Variants in RGSL1 observed in about 807,000 individuals in gnomAD.
The protein encoded by RGSL1 is regulator of G protein signaling protein-like.
RGSL1 carries 97 observed loss-of-function variants against 124.7 expected under a neutral mutation model. The ratio of observed to expected loss-of-function variants is 0.78; its 90% CI spans 0.66 to 0.92. The LOEUF is 0.92. Among genes scored for constraint, RGSL1 ranks in the 40% least tolerant of loss-of-function variants. The probability of loss-of-function intolerance (pLI) is 0.00; values close to 1 mark genes in which losing one functional copy is unlikely to be tolerated. For synonymous variants in RGSL1, 424 were observed against 438.1 expected (o/e 0.97, Z 0.40); for missense variants, 1,233 against 1,288.4 (o/e 0.96, Z 0.66).
intron 9 of RGSL1, among the ~76,000 whole-genome samples, chr1:182,509,467 C>T (rs1476840752): frequency 3.0e-4 from 17 of 56,220 alleles, no homozygotes; most frequent in African/African-American, 1.2e-3. Flanking sequence ...CCCTCCCGGA[C>T]GGGGCGGCTG....
intron 8 of RGSL1, among the ~76,000 whole-genome samples, chr1:182,490,474 C>G (rs990594115): frequency 2.0e-5 from 3 of 152,158 alleles, no homozygotes; most frequent in African/African-American, 4.8e-5. Context: ...CCAAGATGCC[C>G]TGGATGCCTG....
chr1:182,559,494 C>T (rs1661050960), intron 21 of RGSL1, among the ~76,000 whole-genome samples: 1 of 152,166 alleles, frequency 6.6e-6, no homozygotes, highest in Non-Finnish European at 1.5e-5. Flanking sequence ...CCCTTGTCCC[C>T]ATCACTGGCC....
chr1:182,452,859 T>G (rs1651964001), intron 1 of RGSL1, among the ~76,000 whole-genome samples: 1 of 152,238 alleles, frequency 6.6e-6, no homozygotes, highest in African/African-American at 2.4e-5. Flanking sequence ...TTTGTGACTG[T>G]GCATGGCACT....
At chr1:182,498,547 A>G (rs1210462045) in intron 9 of RGSL1, among the ~76,000 whole-genome samples, 1 of 152,140 alleles carries the variant, frequency 6.6e-6, no homozygotes, top group African/African-American at 2.4e-5. Flanking sequence ...CTGGGTTTCA[A>G]AGAATTTCTT....
intron 2 of RGSL1, among the ~76,000 whole-genome samples, chr1:182,456,600 G>A (rs115243825): frequency 0.016 from 2,395 of 152,244 alleles, 28 homozygotes; most frequent in Non-Finnish European, 0.026. Context: ...GCCTGGCCGA[G>A]AAGTAATCTT....
intron 8 of RGSL1, among the ~76,000 whole-genome samples, chr1:182,491,984 C>T (rs1338224309): frequency 1.3e-5 from 2 of 152,134 alleles, no homozygotes; most frequent in African/African-American, 4.8e-5. Flanking sequence ...CCTCTCAATT[C>T]ATCATGCATA....
chr1:182,474,251 A>G lies in RGSL1; in HGVS notation c.1140A>G (p.Ala380=), dbSNP rs1420552986. The part of the protein sequence containing the change: ...IHLALCADAC[A]GNPFRDHLKK... ...TGGCCTTGTGTGCTGATGCCTGTGC[A>G]GGGAACCCTTTCCGGGACCACCTGA... Residue 380 remains alanine (A), a synonymous_variant, in exon 6 of 22, where the codon GCA becomes GCG. Transcript: ENST00000294854. 1.3e-6 allele frequency: 2 copies of G among 1,551,882 alleles called. No homozygotes were observed. Among genetic ancestry groups the G allele is most frequent in the Middle Eastern group, 1.7e-4 (1 of 5,992 alleles).
Position 182,515,400 on chromosome 1 carries a change from T to C in RGSL1, c.1826-6604T>C, listed in dbSNP as rs76962856. On this transcript the variant is annotated intron_variant, in intron 9 of 21. Coordinates refer to ENST00000294854, the MANE Select transcript of RGSL1 (RefSeq NM_001137669.2). ...AATCGAGTTTGGGACAAAAAAAGTA[T>C]TTCAGAGGCTGCACGGATCTGTTTA... 3.1e-3 allele frequency among the ~76,000 whole-genome samples: 468 copies of C among 152,120 alleles called. 6 individuals are homozygous for C. The highest frequency in any genetic ancestry group is 0.011 in the African/African-American group (446 of 41,488).
intron 11 of RGSL1, among the ~76,000 whole-genome samples, chr1:182,528,868 G>A (rs1433984043): frequency 3.3e-5 from 5 of 152,164 alleles, no homozygotes; most frequent in Non-Finnish European, 4.4e-5. Context: ...CACATGACTG[G>A]GGAGGCCTCA....
chr1:182,488,918 AT>A, intron 7 of RGSL1, 61 bp from the exon 8 acceptor site: 2 of 1,362,338 alleles, frequency 1.5e-6, no homozygotes, highest in South Asian at 1.3e-5. Flanking sequence ...TTATTACAAA[AT>A]TATTGCTTCT....
In RGSL1 at chr1:182,560,366, A is replaced by G. The variant is rs1661102343; in HGVS notation, c.*253A>G. The stretch of plus-strand genomic sequence containing the variant: ...GCAAGAGTGACTGAGACCTGCTGTC[A>G]TCTATATAGAAGCCTTTCTGATACA... On this transcript the variant is annotated 3_prime_UTR_variant, in exon 22 of 22. Coordinates refer to ENST00000294854, the MANE Select transcript of RGSL1 (RefSeq NM_001137669.2). 1 of 152,236 alleles carries G rather than the reference A, an allele frequency of 6.6e-6. No individual in the cohort carries two copies. The allele number at this position is 152,236 out of a possible 1,614,324, so 9.4% of individuals were successfully genotyped here.
intron 4 of RGSL1, among the ~76,000 whole-genome samples, chr1:182,467,125 A>G (rs997309418): frequency 2.0e-5 from 3 of 152,228 alleles, no homozygotes; most frequent in Admixed American, 2.0e-4. Flanking sequence ...GAGGACACAA[A>G]CAAATGGAAG....
At chr1:182,495,825 T>C (rs1320629714) in intron 9 of RGSL1, among the ~76,000 whole-genome samples, 1 of 152,080 alleles carries the variant, frequency 6.6e-6, no homozygotes, top group Non-Finnish European at 1.5e-5. Context: ...ATGACATGGG[T>C]GTCTGGGTCA....
At position 182,489,113 on chromosome 1, in the gene RGSL1, A is replaced by C; in HGVS notation, c.1628A>C (p.Asp543Ala). The C allele has an allele frequency of 6.4e-7, 1 of 1,551,682 alleles. No individual in the cohort carries two copies. Among genetic ancestry groups the C allele is most frequent in the Non-Finnish European group, 8.7e-7 (1 of 1,147,000 alleles). Residue 543 changes from aspartate to alanine, a missense_variant, in exon 8 of 22, where the codon GAC (aspartate) becomes GCC (alanine). Coordinates refer to ENST00000294854, the MANE Select transcript of RGSL1 (RefSeq NM_001137669.2). ...SQALADMKEM[D>A]YRQWRKIATE... ...GCTTTGGCTGACATGAAGGAAATGG[A>C]CTATAGGCAGTGGCGAAAGATAGCT...
intron 4 of RGSL1, among the ~76,000 whole-genome samples, chr1:182,469,523 G>A (rs1325344740): frequency 2.0e-5 from 3 of 152,312 alleles, no homozygotes; most frequent in East Asian, 3.9e-4. Flanking sequence ...TGGTGAGGAT[G>A]TGGAGAAATT....
chr1:182,498,942 G>A (rs573920786), intron 9 of RGSL1, among the ~76,000 whole-genome samples: 5 of 152,112 alleles, frequency 3.3e-5, no homozygotes, highest in East Asian at 1.9e-4. Context: ...ACAGGCACCC[G>A]CCACCACACT....
Position 182,532,570 on chromosome 1 carries a change from A to G in RGSL1, c.2365-92A>G, listed in dbSNP as rs535435656. 4.0e-6 allele frequency: 5 copies of G among 1,234,646 alleles called. No homozygotes were observed. In the East Asian group the frequency reaches 1.3e-4, roughly 33 times the overall value. The allele number at this position is 1,234,646 out of a possible 1,614,324, so 76.5% of individuals were successfully genotyped here. On this transcript the variant is annotated intron_variant, in intron 13 of 21. Coordinates refer to ENST00000294854, the MANE Select transcript of RGSL1 (RefSeq NM_001137669.2). ...TTTACGGAGGTGTTGTGAGGATTAA[A>G]TGTAGTGAATACCAAGTTTTGGCAC...
chr1:182,543,825 G>A (rs899357235), intron 15 of RGSL1, among the ~76,000 whole-genome samples: 1 of 151,898 alleles, frequency 6.6e-6, no homozygotes, highest in Non-Finnish European at 1.5e-5. Flanking sequence ...TTGGTGTATA[G>A]TTGTACATCA....
chr1:182,462,741 T>A lies in RGSL1; in HGVS notation c.301+2608T>A, dbSNP rs192432824. On this transcript the variant is annotated intron_variant, in intron 4 of 21. Transcript: ENST00000294854. Reference sequence around the variant, plus strand: ...AGTTAGAGCTGTCAAAGAAGCAAAGTTTTTGTCTGTGACTGAAATTAAGCT... The same window carrying A: ...AGTTAGAGCTGTCAAAGAAGCAAAGATTTTGTCTGTGACTGAAATTAAGCT... 3.3e-5 allele frequency among the ~76,000 whole-genome samples: 5 copies of A among 152,286 alleles called. No homozygotes were observed. In the East Asian group the frequency reaches 9.6e-4, roughly 29 times the overall value.
Sources: gnomAD v4.1 joint callset for allele counts (sites outside exome capture counted in the v4.1 genomes callset) on GRCh38, gnomAD v4.1.1 for gene constraint, MANE v1.5 for transcripts, NCBI Gene and HGNC (gene_info 2026-07-23, HGNC 2026-07-21) for gene names.